The following CCT4 variants were observed in gnomAD, a reference collection of about 807,000 sequenced individuals.
CCT4 encodes chaperonin containing TCP1 subunit 4.
Under a neutral mutation model 62.5 loss-of-function variants are expected in CCT4, and 17 were observed. The ratio of observed to expected loss-of-function variants is 0.27; its 90% confidence interval spans 0.19 to 0.41. The LOEUF (loss-of-function observed/expected upper bound fraction) is 0.41, where lower values mean the gene tolerates loss of function less well. Ranked by LOEUF, CCT4 falls within the 10% of genes least tolerant of loss-of-function variation. The pLI, the probability that CCT4 is intolerant of heterozygous loss-of-function variation, is 1.00. For synonymous variants in CCT4, 250 were observed against 229.9 expected, an observed-to-expected ratio of 1.09 and a Z score of -0.79; for missense variants, 592 against 659.2, an observed-to-expected ratio of 0.90 and a Z score of 1.12.
At position 61,888,636 on chromosome 2, in the gene CCT4, G is replaced by A. The variant is rs547525529; in HGVS notation, c.-129C>T. On this transcript the variant is annotated 5_prime_UTR_variant, in exon 1 of 14. Coordinates refer to ENST00000394440, the MANE Select transcript of CCT4 (RefSeq NM_006430.4). ...TTCCAGAAAGCGGCGCCGGCGTCGG[G>A]AGGAGGCGGAGGCGGAGAAGGGGGC... 2 of 1,130,762 alleles carry A rather than the reference G, an allele frequency of 1.8e-6. No individual in the cohort carries two copies. The highest frequency in any genetic ancestry group is 2.4e-6 in the Non-Finnish European group (2 of 825,130). The allele number at this position is 1,130,762 out of a possible 1,614,324, so 70.0% of individuals were successfully genotyped here. A position where few individuals can be genotyped will look rare whatever the true frequency, so the allele number is the denominator to read the frequency against.
chr2:61,877,580 C>G, intron 5 of CCT4, 66 bp from the exon 6 acceptor site: 1 of 1,223,550 alleles, frequency 8.2e-7, no homozygotes. Flanking sequence ...TTTTCAATGA[C>G]AAAGATACTT....
At chr2:61,876,273 T>TAAA in intron 7 of CCT4, 39 bp from the exon 8 acceptor site, 2 of 1,492,958 alleles carry the variant, frequency 1.3e-6, no homozygotes, top group Non-Finnish European at 1.8e-6. Context: ...CATTGTAAGA[T>TAAA]ATTTTAAGTT....
rs1338177393 is a variant in CCT4, at chr2:61,888,412, C to A, written c.96G>T (p.Gln32His). Residue 32 changes from glutamine to histidine, a missense_variant, in exon 1 of 14, where the codon CAG becomes CAT. Around this residue, in one of 3 missense-constraint regions of CCT4, gnomAD observed 67 missense variants for 71.1 expected, o/e 0.94. Transcript: ENST00000394440. The part of the protein sequence containing the change: ...GAYQDRDKPA[Q>H]IRFSNISAAK... Reference sequence around the variant, plus strand: ...CGGCGGAAATGTTGCTGAAGCGGATCTGGGCTGGCTTGTCGCGGTCCTGAT... The same window carrying A: ...CGGCGGAAATGTTGCTGAAGCGGATATGGGCTGGCTTGTCGCGGTCCTGAT... 1.9e-6 allele frequency: 3 copies of A among 1,613,252 alleles called. No homozygotes were observed. The South Asian group carries it at 3.3e-5, about 18-fold the overall frequency.
chr2:61,874,987 A>G (rs2105129475), intron 8 of CCT4, among the ~76,000 whole-genome samples: 1 of 152,178 alleles, frequency 6.6e-6, no homozygotes, highest in South Asian at 2.1e-4. Flanking sequence ...TACTAAAAAC[A>G]CAAAATTAGC....
chr2:61,875,876 T>C (rs1216389410), intron 8 of CCT4, among the ~76,000 whole-genome samples: 2 of 152,176 alleles, frequency 1.3e-5, no homozygotes, highest in African/African-American at 2.4e-5. Context: ...TACCATTTTT[T>C]CCCTTGGTCT....
intron 12 of CCT4, 114 bp from the exon 13 acceptor site, chr2:61,869,667 A>T (rs1668843711): frequency 3.0e-6 from 2 of 664,548 alleles, no homozygotes; most frequent in Non-Finnish European, 5.6e-6. Flanking sequence ...CTGTCTAAGA[A>T]GATTAGAATA....
At chr2:61,887,871 G>A (rs954670081) in intron 1 of CCT4, 1 of 152,456 alleles carries the variant, frequency 6.6e-6, no homozygotes. Flanking sequence ...CGACACGTAA[G>A]TCGGTTCCCA....
intron 6 of CCT4, 48 bp from the exon 7 acceptor site, chr2:61,877,100 T>A: frequency 6.5e-7 from 1 of 1,532,914 alleles, no homozygotes; most frequent in South Asian, 1.1e-5. Flanking sequence ...GGAGTGGACA[T>A]CTGTACGTTT....
intron 12 of CCT4, among the ~76,000 whole-genome samples, chr2:61,869,870 G>A (rs762116402): frequency 6.6e-6 from 1 of 150,966 alleles, no homozygotes; most frequent in African/African-American, 2.4e-5. Context: ...CTGATCTCAT[G>A]ATCTGCCCGC....
At chr2:61,886,037 CATGGT>C (rs990540822) in intron 1 of CCT4, 1 of 152,154 alleles carries the variant, frequency 6.6e-6, no homozygotes, top group Non-Finnish European at 1.5e-5. Flanking sequence ...CTAATGTGAA[CATGGT>C]AGATAGGTGG....
chr2:61,876,953 A>G lies in CCT4; in HGVS notation c.744T>C (p.Leu248=). The change falls in exon 7 of 14, where the codon CTT becomes CTC. Residue 248 remains leucine (L), a synonymous_variant. Coordinates refer to ENST00000394440, the MANE Select transcript of CCT4 (RefSeq NM_006430.4). ...ITRVEKAKIG[L]IQFCLSAPKT... ...TGGGAGCAGATAAGCAAAACTGAATAAGCCCAATCTTGGCCTTTTCAACTC... is the reference window on the plus strand; with the variant it reads ...TGGGAGCAGATAAGCAAAACTGAATGAGCCCAATCTTGGCCTTTTCAACTC... The G allele has an allele frequency of 6.2e-7, 1 of 1,613,840 alleles. No individual in the cohort carries two copies. Among genetic ancestry groups the G allele is most frequent in the African/African-American group, 1.3e-5 (1 of 75,058 alleles).
chr2:61,879,892 G>A (rs770408632), intron 4 of CCT4, among the ~76,000 whole-genome samples: 1 of 151,928 alleles, frequency 6.6e-6, no homozygotes, highest in Non-Finnish European at 1.5e-5. Context: ...CACCATGCCC[G>A]GCTAATTTTT....
In CCT4 at chr2:61,872,263, G is replaced by C. The variant is rs775603088; in HGVS notation, c.1310C>G (p.Thr437Ser). ...APEIELALRLTEYSRTLSGME... is the reference protein window; with the variant it reads ...APEIELALRLSEYSRTLSGME... ...ACCACTCAGTGTTCGTGAATATTCAGTTAATCGTAGGGCCAACTCTATTTC... is the reference window on the plus strand; with the variant it reads ...ACCACTCAGTGTTCGTGAATATTCACTTAATCGTAGGGCCAACTCTATTTC... The change falls in exon 12 of 14, where the codon ACT becomes AGT. Residue 437 changes from threonine to serine, a missense_variant. Physicochemically the swap from Thr to Ser is moderately conservative, Grantham distance 58 (BLOSUM62 1). Around this residue, in one of 3 missense-constraint regions of CCT4, gnomAD observed 522 missense variants for 571.2 expected, o/e 0.91. Coordinates refer to ENST00000394440, the MANE Select transcript of CCT4 (RefSeq NM_006430.4). 1 of 1,612,848 alleles carries C rather than the reference G, an allele frequency of 6.2e-7. No individual in the cohort carries two copies. Among genetic ancestry groups the C allele is most frequent in the Non-Finnish European group, 8.5e-7 (1 of 1,179,190 alleles).
At chr2:61,872,389 T>C in intron 11 of CCT4, 69 bp downstream of exon 11, 3 of 1,433,886 alleles carry the variant, frequency 2.1e-6, no homozygotes, top group Non-Finnish European at 2.8e-6. Flanking sequence ...GCTATTTATA[T>C]CTTTAAAAAA....
intron 12 of CCT4, among the ~76,000 whole-genome samples, chr2:61,869,827 G>GT (rs1244466084): frequency 1.3e-5 from 2 of 151,400 alleles, no homozygotes; most frequent in Admixed American, 6.6e-5. Flanking sequence ...TAGAGACAGG[G>GT]TTTCACCGTG....
chr2:61,869,849 G>T (rs1288842102), intron 12 of CCT4, among the ~76,000 whole-genome samples: 1 of 150,302 alleles, frequency 6.7e-6, no homozygotes, highest in East Asian at 2.0e-4. Flanking sequence ...TAGCCAGGAT[G>T]GTCTCATCTC....
At chr2:61,885,155 T>C (rs1669222535) in intron 1 of CCT4, 83 bp from the exon 2 acceptor site, 1 of 1,102,912 alleles carries the variant, frequency 9.1e-7, no homozygotes, top group Non-Finnish European at 1.2e-6. Flanking sequence ...TTGTCCAGGA[T>C]GGCCTCAAAC....
At chr2:61,877,816 T>C (rs997785802) in intron 5 of CCT4, among the ~76,000 whole-genome samples, 1 of 152,306 alleles carries the variant, frequency 6.6e-6, no homozygotes, top group African/African-American at 2.4e-5. Context: ...ACGTGAGTAT[T>C]TTCTATCTAA....
At chr2:61,879,475 G>C (rs981101141) in intron 4 of CCT4, among the ~76,000 whole-genome samples, 1 of 117,506 alleles carries the variant, frequency 8.5e-6, no homozygotes, top group Non-Finnish European at 1.8e-5. Context: ...ACAGGGTTTT[G>C]CCATGTTGCC....
Sources: allele counts gnomAD v4.1 joint callset (sites outside exome capture counted in the v4.1 genomes callset), GRCh38; gene constraint gnomAD v4.1.1; regional missense constraint gnomAD v4.1.1; transcripts MANE v1.5; gene names NCBI Gene and HGNC (gene_info 2026-07-23, HGNC 2026-07-21).